STK10: variants seen among roughly 807,000 people sequenced by gnomAD.
STK10 encodes serine/threonine kinase 10, also known as serine/threonine-protein kinase 10.
Under a neutral mutation model 113.8 loss-of-function variants are expected in STK10, and 78 were observed. That is an observed-to-expected ratio of 0.69 (90% confidence interval 0.57 to 0.83). The LOEUF (loss-of-function observed/expected upper bound fraction) is 0.83. Among genes scored for constraint, STK10 ranks in the 40% least tolerant of loss-of-function variants. The pLI is 0.00. For missense variants in STK10, 1,109 were observed against 1,280.1 expected, an observed-to-expected ratio of 0.87 and a Z score of 2.04; for synonymous variants, 465 against 494.7, an observed-to-expected ratio of 0.94 and a Z score of 0.80.
chr5:172,148,211 G>A (rs73329610), intron 2 of STK10, among the ~76,000 whole-genome samples: 1,859 of 152,266 alleles, frequency 0.012, 37 homozygotes, highest in African/African-American at 0.042. Context: ...ACGAAGAGGC[G>A]TGTCTGGGGT....
Position 172,096,534 on chromosome 5 carries a change from A to C in STK10, c.897T>G (p.Ser299Arg). Residue 299 changes from serine to arginine, a missense_variant, in exon 8 of 19, where the codon AGT (serine) becomes AGG (arginine). Coordinates refer to ENST00000176763, the MANE Select transcript of STK10 (RefSeq NM_005990.4). ...LEHPFVSSIT[S>R]NKALRELVAE... is the part of the protein sequence containing the mutation. ...CCACCAGCTCCCGCAGAGCCTTGTT[A>C]CTGGTGATGCTGCTGACGAAGGGAT... 1 of 1,613,500 alleles carries C rather than the reference A, an allele frequency of 6.2e-7. No homozygotes were observed. Among genetic ancestry groups the C allele is most frequent in the Non-Finnish European group, 8.5e-7 (1 of 1,180,026 alleles).
intron 1 of STK10, among the ~76,000 whole-genome samples, chr5:172,178,845 C>G (rs538626816): frequency 6.6e-6 from 1 of 152,294 alleles, no homozygotes; most frequent in East Asian, 1.9e-4. Context: ...CATTATGCCT[C>G]CCTCCCCCAT....
At chr5:172,144,234 G>A (rs796130470) in intron 2 of STK10, among the ~76,000 whole-genome samples, 3 of 152,226 alleles carry the variant, frequency 2.0e-5, no homozygotes, top group African/African-American at 4.8e-5. Flanking sequence ...CAAGACACAC[G>A]GACAGCCTAG....
At chr5:172,102,896 C>A (rs545055541) in intron 7 of STK10, among the ~76,000 whole-genome samples, 11 of 132,288 alleles carry the variant, frequency 8.3e-5, no homozygotes, top group Non-Finnish European at 9.1e-5. Context: ...GAAACTGAGG[C>A]ACAGAGTGAG....
At chr5:172,163,939 C>T (rs758329363) in intron 1 of STK10, among the ~76,000 whole-genome samples, 1 of 152,094 alleles carries the variant, frequency 6.6e-6, no homozygotes, top group Non-Finnish European at 1.5e-5. Flanking sequence ...TGGCCAGGCG[C>T]GGTGGCTGAC....
intron 1 of STK10, among the ~76,000 whole-genome samples, chr5:172,182,708 C>T (rs961779004): frequency 2.6e-5 from 4 of 151,878 alleles, no homozygotes; most frequent in African/African-American, 9.7e-5. Flanking sequence ...CGCCCACCAC[C>T]ACGCCTGGCT....
At chr5:172,064,614 G>A (rs767208030) in intron 13 of STK10, 106 bp downstream of exon 13, 17 of 1,150,566 alleles carry the variant, frequency 1.5e-5, no homozygotes, top group South Asian at 1.4e-4. Flanking sequence ...TATTCAGAAC[G>A]GGGTATTTGA....
intron 15 of STK10, among the ~76,000 whole-genome samples, chr5:172,056,202 C>T (rs1248152567): frequency 6.6e-6 from 1 of 152,230 alleles, no homozygotes; most frequent in Non-Finnish European, 1.5e-5. Flanking sequence ...CTCCAAGAAG[C>T]CTTCCCCGAT....
At chr5:172,106,417 A>AAAAAAAAAAAAAAAAAAAAAAAAAAC (rs1769110192) in intron 6 of STK10, among the ~76,000 whole-genome samples, 2 of 145,274 alleles carry the variant, frequency 1.4e-5, no homozygotes, top group Admixed American at 6.9e-5. Flanking sequence ...AAAAAAAAAA[A>AAAAAAAAAAAAAAAAAAAAAAAAAAC]AGGAACACAA....
intron 2 of STK10, 113 bp downstream of exon 2, chr5:172,156,511 G>C (rs1159075431): frequency 7.3e-7 from 1 of 1,367,712 alleles, no homozygotes. Flanking sequence ...CCTTGCCCTA[G>C]CCCTCGTCCT....
intron 1 of STK10, among the ~76,000 whole-genome samples, chr5:172,158,444 A>G (rs1342848629): frequency 6.6e-6 from 1 of 152,168 alleles, no homozygotes; most frequent in Admixed American, 6.5e-5. Context: ...CCTGGCCAAC[A>G]TGGTGAAACC....
rs765229664 is a variant in STK10 at position 172,120,612 on chromosome 5, T to C, written c.371-2982A>G. Among the ~76,000 whole-genome samples the C allele has an allele frequency of 5.3e-5, 8 of 152,196 alleles. No individual in the cohort carries two copies. Among genetic ancestry groups the C allele is most frequent in the Non-Finnish European group, 8.8e-5 (6 of 68,032 alleles). ...TTACTGGCAAGTCGCCCAAGCTCTCTGGCCCTTCATTTCCTGGTCTGTGAA... is the reference window on the plus strand; with the variant it reads ...TTACTGGCAAGTCGCCCAAGCTCTCCGGCCCTTCATTTCCTGGTCTGTGAA... On this transcript the variant is annotated intron_variant, in intron 3 of 18. Transcript: ENST00000176763. The surrounding 1 kb of genome is among the most constrained non-coding windows in gnomAD (Gnocchi z 4.0).
At chr5:172,067,492 G>A (rs529331813) in intron 12 of STK10, among the ~76,000 whole-genome samples, 8 of 151,600 alleles carry the variant, frequency 5.3e-5, no homozygotes. Context: ...AAAGAAAAAG[G>A]CAATCAATAG....
chr5:172,126,164 C>G (rs6871260), intron 3 of STK10, among the ~76,000 whole-genome samples: 2,541 of 152,286 alleles, frequency 0.017, 79 homozygotes, highest in African/African-American at 0.058. Flanking sequence ...GTAGCATGAG[C>G]CGGGGATGCT....
chr5:172,055,269 G>A (rs1456852868), intron 16 of STK10, among the ~76,000 whole-genome samples: 1 of 151,874 alleles, frequency 6.6e-6, no homozygotes. Flanking sequence ...GTTCAATCTT[G>A]GCTCACCGCA....
intron 2 of STK10, among the ~76,000 whole-genome samples, chr5:172,155,608 A>G (rs1037953275): frequency 6.6e-6 from 1 of 152,118 alleles, no homozygotes; most frequent in Non-Finnish European, 1.5e-5. Flanking sequence ...AAAAATAAAA[A>G]AAAGAAAGAA....
At chr5:172,115,793 C>T (rs956797794) in intron 4 of STK10, among the ~76,000 whole-genome samples, 8 of 152,178 alleles carry the variant, frequency 5.3e-5, no homozygotes, top group South Asian at 2.1e-4. Context: ...AATGAGTTAA[C>T]ACATATCAGA....
At chr5:172,175,234 C>T (rs142510756) in intron 1 of STK10, among the ~76,000 whole-genome samples, 436 of 152,142 alleles carry the variant, frequency 2.9e-3, no homozygotes, top group African/African-American at 9.8e-3. Flanking sequence ...CTAGGCTGGT[C>T]GTGAACTCCT....
chr5:172,165,009 G>T (rs550872097), intron 1 of STK10, among the ~76,000 whole-genome samples: 2 of 152,152 alleles, frequency 1.3e-5, no homozygotes, highest in Non-Finnish European at 2.9e-5. Flanking sequence ...CCTCCCCCTT[G>T]TACCCGCAAG....
Sources: gnomAD v4.1 joint callset for allele counts (sites outside exome capture counted in the v4.1 genomes callset) on GRCh38, gnomAD v4.1.1 for gene constraint, Gnocchi (gnomAD v3.1) non-coding constraint, MANE v1.5 for transcripts, NCBI Gene and HGNC (gene_info 2026-07-23, HGNC 2026-07-21) for gene names.